NRXN3: variants seen among roughly 807,000 people sequenced by gnomAD.
NRXN3 encodes the protein neurexin III.
Under a neutral mutation model 137.6 loss-of-function variants are expected in NRXN3, and 32 were observed. The observed-to-expected ratio is 0.23, with a 90% CI of 0.18 to 0.31. The LOEUF is 0.31. Ranked by LOEUF, NRXN3 falls within the 10% of genes least tolerant of loss-of-function variation. The pLI, the probability that NRXN3 is intolerant of heterozygous loss-of-function variation, is 1.00. For synonymous variants in NRXN3, 798 were observed against 784.5 expected, an observed-to-expected ratio of 1.02 and a Z score of -0.29; for missense variants, 1,574 against 2,062.5, an observed-to-expected ratio of 0.76 and a Z score of 4.59.
chr14:79,035,727 G>A (rs2099614938), intron 15 of NRXN3, among the ~76,000 whole-genome samples: 1 of 151,978 alleles, frequency 6.6e-6, no homozygotes, highest in East Asian at 1.9e-4. Context: ...CAGCCCAGAG[G>A]CATTCACCCA....
At chr14:79,055,814 C>T (rs182313593) in intron 15 of NRXN3, among the ~76,000 whole-genome samples, 39 of 152,132 alleles carry the variant, frequency 2.6e-4, no homozygotes, top group African/African-American at 8.0e-4. Flanking sequence ...CATGCACATG[C>T]ACTTGGAGAC....
intron 19 of NRXN3, among the ~76,000 whole-genome samples, chr14:79,703,051 T>C (rs1375933838): frequency 2.0e-5 from 3 of 152,124 alleles, no homozygotes; most frequent in Non-Finnish European, 4.4e-5. Flanking sequence ...ACCTTGACAT[T>C]GGCAACTGCT....
At chr14:79,041,689 A>C (rs1213825258) in intron 15 of NRXN3, among the ~76,000 whole-genome samples, 4 of 152,202 alleles carry the variant, frequency 2.6e-5, no homozygotes, top group Non-Finnish European at 2.9e-5. Context: ...CATTAAACTT[A>C]AGCAGGAAGG....
chr14:78,531,109 T>C (rs2153811572), intron 4 of NRXN3, among the ~76,000 whole-genome samples: 1 of 152,316 alleles, frequency 6.6e-6, no homozygotes, highest in East Asian at 1.9e-4. Context: ...TTGCCCCTTT[T>C]ATGGCCATTA....
intron 15 of NRXN3, among the ~76,000 whole-genome samples, chr14:79,214,615 AT>A (rs2153228380): frequency 6.6e-6 from 1 of 152,326 alleles, no homozygotes; most frequent in Admixed American, 6.5e-5. Flanking sequence ...ATTAAAACAA[AT>A]TAGAAAACAA....
chr14:79,075,428 G>A (rs894189010), intron 15 of NRXN3, among the ~76,000 whole-genome samples: 1 of 152,160 alleles, frequency 6.6e-6, no homozygotes, highest in African/African-American at 2.4e-5. Flanking sequence ...ATAAATATTA[G>A]TTAGGAAAAT....
intron 14 of NRXN3, among the ~76,000 whole-genome samples, chr14:78,977,932 T>C (rs1197978032): frequency 2.0e-5 from 3 of 152,146 alleles, no homozygotes; most frequent in Middle Eastern, 3.2e-3. Flanking sequence ...TTGTTAAACA[T>C]TTACTAGTGA....
chr14:79,024,813 G>T (rs147198413), intron 15 of NRXN3, among the ~76,000 whole-genome samples: 1 of 152,044 alleles, frequency 6.6e-6, no homozygotes, highest in Admixed American at 6.6e-5. Context: ...TACACACAAG[G>T]TACCTCTTCT....
Position 79,221,892 on chromosome 14 carries a change from C to T in NRXN3, c.3262+233751C>T, listed in dbSNP as rs552162102. Reference sequence around the variant, plus strand: ...AGAGTTTTTATGGTTTTAGGTCTTACGTTTAAGTCTTTAATCTATCTTGAG... The same window carrying T: ...AGAGTTTTTATGGTTTTAGGTCTTATGTTTAAGTCTTTAATCTATCTTGAG... On this transcript the variant is annotated intron_variant, in intron 15 of 20. Transcript: ENST00000335750. Among the ~76,000 whole-genome samples the T allele has an allele frequency of 7.8e-4, 118 of 152,200 alleles. 2 individuals are homozygous for T. In the South Asian group the frequency reaches 0.022, roughly 28 times the overall value.
At chr14:79,522,652 C>A (rs568113446) in intron 16 of NRXN3, among the ~76,000 whole-genome samples, 20 of 152,248 alleles carry the variant, frequency 1.3e-4, no homozygotes, top group African/African-American at 4.8e-4. Context: ...CCATGGAAAC[C>A]TTTACAAATC....
chr14:78,995,537 G>C (rs2099528240), intron 15 of NRXN3, among the ~76,000 whole-genome samples: 1 of 152,094 alleles, frequency 6.6e-6, no homozygotes, highest in Non-Finnish European at 1.5e-5. Flanking sequence ...GTCCTATCTT[G>C]TAAGAATAAA....
chr14:79,774,046 A>G (rs2099088835), intron 19 of NRXN3, among the ~76,000 whole-genome samples: 1 of 152,148 alleles, frequency 6.6e-6, no homozygotes, highest in South Asian at 2.1e-4. Context: ...ACCCTAGTAG[A>G]CTGTTCGCTG....
intron 15 of NRXN3, among the ~76,000 whole-genome samples, chr14:79,096,484 G>A (rs2050359184): frequency 6.6e-6 from 1 of 151,830 alleles, no homozygotes; most frequent in Admixed American, 6.6e-5. Context: ...TTCTTATCTT[G>A]TTACTTGTGT....
chr14:79,147,522 A>G (rs2059408484), intron 15 of NRXN3, among the ~76,000 whole-genome samples: 1 of 152,116 alleles, frequency 6.6e-6, no homozygotes, highest in Admixed American at 6.6e-5. Context: ...ATAAGCTTCT[A>G]TACTTGAGGA....
At chr14:78,882,429 A>G (rs2099131778) in intron 10 of NRXN3, among the ~76,000 whole-genome samples, 1 of 151,798 alleles carries the variant, frequency 6.6e-6, no homozygotes, top group Non-Finnish European at 1.5e-5. Context: ...CTACAAAGCC[A>G]CAGGGGCAGT....
At chr14:79,618,316 A>G (rs923685875) in intron 16 of NRXN3, among the ~76,000 whole-genome samples, 4 of 152,038 alleles carry the variant, frequency 2.6e-5, no homozygotes, top group Non-Finnish European at 4.4e-5. Flanking sequence ...ATAGTAGTCA[A>G]TAGTCAGGTT....
At chr14:78,990,064 C>A (rs1440080310) in intron 15 of NRXN3, among the ~76,000 whole-genome samples, 1 of 151,030 alleles carries the variant, frequency 6.6e-6, no homozygotes, top group African/African-American at 2.4e-5. Context: ...CACTGTCTGA[C>A]TTGGGGAATT....
intron 20 of NRXN3, among the ~76,000 whole-genome samples, chr14:79,815,010 A>G (rs757680548): frequency 1.3e-5 from 2 of 152,166 alleles, no homozygotes; most frequent in African/African-American, 2.4e-5. Context: ...TTTTTAATTC[A>G]TGGAAGCATT....
At chr14:79,773,410 A>G (rs541138974) in intron 19 of NRXN3, among the ~76,000 whole-genome samples, 49 of 152,304 alleles carry the variant, frequency 3.2e-4, no homozygotes, top group African/African-American at 1.2e-3. Context: ...CAGATTAAGA[A>G]AATGTGGCAC....
Sources: allele counts gnomAD v4.1 joint callset (sites outside exome capture counted in the v4.1 genomes callset), GRCh38; gene constraint gnomAD v4.1.1; transcripts MANE v1.5; gene names NCBI Gene and HGNC (gene_info 2026-07-23, HGNC 2026-07-21).